Variants in ATP10B observed in about 807,000 individuals in gnomAD.
The protein encoded by ATP10B is phospholipid-transporting ATPase VB.
A neutral mutation model predicts 141.2 loss-of-function variants in ATP10B; 122 were observed. The observed-to-expected ratio is 0.86, with a 90% CI of 0.75 to 1.00. ATP10B has a LOEUF of 1.00. Ranked by LOEUF, ATP10B falls within the 50% of genes least tolerant of loss-of-function variation. The probability of loss-of-function intolerance (pLI) is 0.00; values close to 1 mark genes in which losing one functional copy is unlikely to be tolerated. For synonymous variants in ATP10B, 685 were observed against 692.0 expected (o/e 0.99, Z 0.16); for missense variants, 1,876 against 1,825.3 (o/e 1.03, Z -0.51).
chr5:160,890,997 G>GTA, the ATP10B span, among the ~76,000 whole-genome samples: 1 of 115,862 alleles, frequency 8.6e-6, no homozygotes, highest in Non-Finnish European at 2.1e-5. Flanking sequence ...ACGTGTATGT[G>GTA]TGTGCGTGTG....
At chr5:160,766,460 G>A (rs1769438692) in intron 2 of ATP10B, among the ~76,000 whole-genome samples, 1 of 150,944 alleles carries the variant, frequency 6.6e-6, no homozygotes, top group Non-Finnish European at 1.5e-5. Flanking sequence ...GAACGGAGTT[G>A]GAGAACATTA....
rs1203829348 is a variant in ATP10B, at chr5:160,640,478, C to T, written c.983G>A (p.Cys328Tyr). The T allele has an allele frequency of 1.2e-6, 2 of 1,614,068 alleles. No homozygotes were observed. The highest frequency in any genetic ancestry group is 1.7e-5 in the Admixed American group (1 of 60,014). Residue 328 changes from cysteine (C) to tyrosine (Y), a missense_variant, in exon 10 of 26, where the codon TGC (cysteine) becomes TAC (tyrosine). Transcript: ENST00000327245. ...TCCCATACCTACAGCTCCAATAAGG[C>T]ACATGAGGATGAGGATCCCAATGCA... ...FFCIGILILMCLIGAVGHSIW... is the reference protein window; with the variant it reads ...FFCIGILILMYLIGAVGHSIW...
chr5:160,721,082 A>G (rs1279888746), intron 2 of ATP10B, among the ~76,000 whole-genome samples: 1 of 152,174 alleles, frequency 6.6e-6, no homozygotes, highest in African/African-American at 2.4e-5. Context: ...CAGTTTAAAC[A>G]TGGAAAGTTG....
chr5:160,869,989 T>G, the ATP10B span, among the ~76,000 whole-genome samples: 15 of 152,154 alleles, frequency 9.9e-5, no homozygotes, highest in African/African-American at 3.1e-4. Flanking sequence ...AACTCTGTTC[T>G]TTTTAACAAG....
chr5:160,871,691 C>T, the ATP10B span, among the ~76,000 whole-genome samples: 1 of 152,132 alleles, frequency 6.6e-6, no homozygotes, highest in South Asian at 2.1e-4. Flanking sequence ...ACTGCAAATG[C>T]CGTTAATTCA....
the ATP10B span, among the ~76,000 whole-genome samples, chr5:160,866,581 G>C: frequency 6.6e-6 from 1 of 152,154 alleles, no homozygotes; most frequent in Non-Finnish European, 1.5e-5. Flanking sequence ...GCTGAGGCAG[G>C]AGAACTGCTT....
upstream of ATP10B, among the ~76,000 whole-genome samples, chr5:160,854,141 G>A (rs1753939107): frequency 6.6e-6 from 1 of 152,038 alleles, no homozygotes; most frequent in South Asian, 2.1e-4. Context: ...ATAATCTTAA[G>A]ACTATCTTCT....
At chr5:160,580,254 G>A (rs1235789276) in intron 24 of ATP10B, among the ~76,000 whole-genome samples, 1 of 152,194 alleles carries the variant, frequency 6.6e-6, no homozygotes, top group East Asian at 1.9e-4. Flanking sequence ...TTTTCAAGGG[G>A]AATGTTTCCA....
At chr5:160,851,073 G>A (rs1018372591) in intron 1 of ATP10B, among the ~76,000 whole-genome samples, 2 of 152,170 alleles carry the variant, frequency 1.3e-5, no homozygotes, top group South Asian at 2.1e-4. Flanking sequence ...GTGGAAGAAG[G>A]AAGTAGCAGA....
At chr5:160,915,898 C>A in the ATP10B span, among the ~76,000 whole-genome samples, 1 of 151,988 alleles carries the variant, frequency 6.6e-6, no homozygotes, top group Non-Finnish European at 1.5e-5. Flanking sequence ...TTTCTCAGAG[C>A]TTTCAACTGT....
At chr5:160,920,951 TCTC>T in the ATP10B span, among the ~76,000 whole-genome samples, 1 of 152,056 alleles carries the variant, frequency 6.6e-6, no homozygotes, top group South Asian at 2.1e-4. Context: ...GTCTTTTTTC[TCTC>T]TTTTTAAAGG....
At chr5:160,799,579 T>C (rs1772224705) in intron 1 of ATP10B, among the ~76,000 whole-genome samples, 1 of 152,180 alleles carries the variant, frequency 6.6e-6, no homozygotes, top group Non-Finnish European at 1.5e-5. Context: ...GCATGTTTCT[T>C]CTAATTCTCA....
intron 3 of ATP10B, among the ~76,000 whole-genome samples, chr5:160,715,962 G>A (rs1043262543): frequency 6.6e-6 from 1 of 152,020 alleles, no homozygotes; most frequent in Non-Finnish European, 1.5e-5. Context: ...ACTCTCCTGG[G>A]CCTCCCAAAG....
At chr5:160,616,444 T>A (rs955228644) in intron 16 of ATP10B, among the ~76,000 whole-genome samples, 2 of 152,196 alleles carry the variant, frequency 1.3e-5, no homozygotes, top group African/African-American at 4.8e-5. Flanking sequence ...GAGCAAGAGT[T>A]AAGGCTGTGG....
At chr5:160,900,908 GTTTTTTTTTTTT>G in the ATP10B span, among the ~76,000 whole-genome samples, 2 of 88,954 alleles carry the variant, frequency 2.2e-5, no homozygotes, top group Non-Finnish European at 4.2e-5. Context: ...GGGTAGAGAA[GTTTTTTTTTTTT>G]TTTTTTTTTT....
rs199674337 is a variant in ATP10B at position 160,640,609 on chromosome 5, G to C, written c.869-17C>G. The C allele has an allele frequency of 1.1e-5, 17 of 1,613,628 alleles. No homozygotes were observed. The East Asian group carries it at 3.6e-4, about 34-fold the overall frequency. ...TCTCATGGCCTTTGAGAGAAAATGA[G>C]GAAATCAGTCCCTTAGTTCCTGTTT... On this transcript the variant is annotated splice_polypyrimidine_tract_variant and intron_variant, in intron 9 of 25. Transcript: ENST00000327245.
chr5:160,880,664 G>GT, the ATP10B span, among the ~76,000 whole-genome samples: 1 of 152,106 alleles, frequency 6.6e-6, no homozygotes, highest in Non-Finnish European at 1.5e-5. Flanking sequence ...GCTGATCTTT[G>GT]ACAAATGAGC....
chr5:160,705,985 C>A (rs1764989151), intron 3 of ATP10B, among the ~76,000 whole-genome samples: 1 of 152,170 alleles, frequency 6.6e-6, no homozygotes, highest in Non-Finnish European at 1.5e-5. Flanking sequence ...TTCAATGTTT[C>A]TGTGTCTCAG....
chr5:160,926,318 CTT>C, the ATP10B span, among the ~76,000 whole-genome samples: 1 of 152,192 alleles, frequency 6.6e-6, no homozygotes, highest in Non-Finnish European at 1.5e-5. Context: ...TCTTCAGAAA[CTT>C]AATGTAATTC....
Sources: allele counts gnomAD v4.1 joint callset (sites outside exome capture counted in the v4.1 genomes callset), GRCh38; gene constraint gnomAD v4.1.1; transcripts MANE v1.5; gene names NCBI Gene and HGNC (gene_info 2026-07-23, HGNC 2026-07-21).